CLVS1: variants seen among roughly 807,000 people sequenced by gnomAD.
CLVS1 encodes the protein clavesin 1.
In CLVS1, 10 loss-of-function variants were observed where a neutral mutation model predicts 33.1. That is an observed-to-expected ratio of 0.30 (90% confidence interval 0.19 to 0.51). CLVS1 has a LOEUF of 0.51. CLVS1 is among the 20% of genes least tolerant of loss of function. CLVS1 has a pLI of 0.97. For synonymous variants in CLVS1, 163 were observed against 166.1 expected, an observed-to-expected ratio of 0.98 and a Z score of 0.14; for missense variants, 343 against 433.4, an observed-to-expected ratio of 0.79 and a Z score of 1.85.
chr8:61,389,916 G>T (rs1048849824), intron 3 of CLVS1, among the ~76,000 whole-genome samples: 2 of 152,166 alleles, frequency 1.3e-5, no homozygotes, highest in African/African-American at 4.8e-5. Flanking sequence ...GAGGGTTTAC[G>T]AGAGTAAAAA....
chr8:60,991,081 A>T, the CLVS1 span, among the ~76,000 whole-genome samples: 1 of 152,296 alleles, frequency 6.6e-6, no homozygotes, highest in South Asian at 2.1e-4. Flanking sequence ...TGTTTCCCAG[A>T]AGCTTACCAT....
chr8:61,280,709 A>G (rs935696426), intron 2 of CLVS1, among the ~76,000 whole-genome samples: 1 of 152,218 alleles, frequency 6.6e-6, no homozygotes, highest in Non-Finnish European at 1.5e-5. Flanking sequence ...TGTGAATGTA[A>G]TAGCTCAAGA....
intron 5 of CLVS1, among the ~76,000 whole-genome samples, chr8:61,479,577 T>C (rs910579604): frequency 6.6e-6 from 1 of 152,224 alleles, no homozygotes; most frequent in Non-Finnish European, 1.5e-5. Flanking sequence ...CCTTCTTCTC[T>C]CAACTCGTCA....
At chr8:61,300,308 G>C in intron 2 of CLVS1, 26 bp downstream of exon 2, 1 of 1,577,158 alleles carries the variant, frequency 6.3e-7, no homozygotes, top group Non-Finnish European at 8.6e-7. Context: ...GTCTTTACTT[G>C]GTTTTTCTTT....
At chr8:61,266,778 G>T (rs1809314337) in intron 2 of CLVS1, among the ~76,000 whole-genome samples, 1 of 152,048 alleles carries the variant, frequency 6.6e-6, no homozygotes, top group Non-Finnish European at 1.5e-5. Context: ...ATCCAGATTT[G>T]TTTTTTTATT....
the CLVS1 span, among the ~76,000 whole-genome samples, chr8:60,991,744 C>T: frequency 9.2e-5 from 11 of 118,966 alleles, no homozygotes; most frequent in African/African-American, 3.3e-4. Context: ...AAGCCCCACT[C>T]TTTTTTTTTT....
chr8:61,147,963 C>T (rs1023727062), intron 2 of CLVS1, among the ~76,000 whole-genome samples: 8 of 152,176 alleles, frequency 5.3e-5, no homozygotes, highest in African/African-American at 7.2e-5. Flanking sequence ...AAATCAAAAC[C>T]GTGTATTCTG....
intron 1 of CLVS1, among the ~76,000 whole-genome samples, chr8:61,108,260 A>G (rs1805572539): frequency 1.3e-5 from 2 of 151,624 alleles, no homozygotes; most frequent in Non-Finnish European, 2.9e-5. Context: ...CTCTGCCCTC[A>G]TGGGTCCTAT....
chr8:61,258,849 C>T (rs1353381233), intron 2 of CLVS1, among the ~76,000 whole-genome samples: 1 of 152,048 alleles, frequency 6.6e-6, no homozygotes, highest in African/African-American at 2.4e-5. Context: ...ATATTCTGCA[C>T]AACAGAATGT....
At chr8:61,358,670 T>C (rs555312535) in intron 2 of CLVS1, among the ~76,000 whole-genome samples, 3 of 152,272 alleles carry the variant, frequency 2.0e-5, no homozygotes, top group South Asian at 4.2e-4. Flanking sequence ...ATCTTCACTA[T>C]TGAGGTCTGA....
rs1330010822 is a variant in CLVS1, at chr8:61,279,733, G to A, written c.-151-19944G>A. ...ATACATGTAAGTTGGATGTTTGATT[G>A]GCTTAATAATTATTTATGAATACAA... On this transcript the variant is annotated intron_variant, in intron 2 of 2. Coordinates refer to the CLVS1 transcript ENST00000522621. Among the ~76,000 whole-genome samples the A allele has an allele frequency of 2.0e-5, 3 of 152,056 alleles. No homozygotes were observed. In the East Asian group the frequency reaches 5.8e-4, roughly 29 times the overall value.
chr8:61,282,329 G>T, intron 2 of CLVS1, among the ~76,000 whole-genome samples: 1 of 152,298 alleles, frequency 6.6e-6, no homozygotes, highest in East Asian at 1.9e-4. Flanking sequence ...GAGGGAAGAA[G>T]AGAAGAAGAA....
At chr8:61,352,733 C>T (rs1369203336) in intron 2 of CLVS1, among the ~76,000 whole-genome samples, 1 of 151,834 alleles carries the variant, frequency 6.6e-6, no homozygotes, top group Admixed American at 6.6e-5. Flanking sequence ...GGTTCTGCAT[C>T]CACAGATTCA....
intron 3 of CLVS1, among the ~76,000 whole-genome samples, chr8:61,419,228 C>A (rs1815557265): frequency 6.6e-6 from 1 of 152,002 alleles, no homozygotes; most frequent in East Asian, 1.9e-4. Context: ...GAAACCCCAT[C>A]TCTACTAAAA....
rs538065657 is a variant in CLVS1 at position 61,500,231 on chromosome 8, C to A, written c.*689C>A. On this transcript the variant is annotated 3_prime_UTR_variant, in exon 6 of 6. Coordinates refer to ENST00000325897, the MANE Select transcript of CLVS1 (RefSeq NM_173519.3). ...AAGGAAGACACATGGACGTGAAATA[C>A]GATTATTTCATCTGAGCAATGTGAG... 1.3e-5 allele frequency: 2 copies of A among 152,360 alleles called. No homozygotes were observed. Among genetic ancestry groups the A allele is most frequent in the South Asian group, 4.2e-4 (2 of 4,816 alleles). 9.4% of individuals were successfully genotyped at this position (152,360 alleles called of 1,614,324 possible).
intron 2 of CLVS1, among the ~76,000 whole-genome samples, chr8:61,142,864 T>C (rs747624492): frequency 1.3e-5 from 2 of 152,180 alleles, no homozygotes; most frequent in Non-Finnish European, 2.9e-5. Context: ...TTCAAACCTC[T>C]TCGACACTTG....
the CLVS1 span, among the ~76,000 whole-genome samples, chr8:61,036,386 C>T: frequency 0.28 from 42,970 of 152,056 alleles, 6,292 homozygotes; most frequent in African/African-American, 0.36. Context: ...GTGGCAGCTG[C>T]AGGTGGGGCA....
chr8:61,058,883 T>C (rs1804527638), intron 1 of CLVS1, among the ~76,000 whole-genome samples: 1 of 152,204 alleles, frequency 6.6e-6, no homozygotes, highest in Non-Finnish European at 1.5e-5. Flanking sequence ...AGTTCATTCC[T>C]TTTAATGAAT....
At chr8:61,238,112 A>G (rs1808605968) in intron 2 of CLVS1, among the ~76,000 whole-genome samples, 1 of 152,244 alleles carries the variant, frequency 6.6e-6, no homozygotes, top group Admixed American at 6.5e-5. Context: ...GGGGTCCTAT[A>G]GAAGATCTAC....
Sources: allele counts gnomAD v4.1 joint callset (sites outside exome capture counted in the v4.1 genomes callset), GRCh38; gene constraint gnomAD v4.1.1; transcripts MANE v1.5; gene names NCBI Gene and HGNC (gene_info 2026-07-23, HGNC 2026-07-21).